The following AUTS2 variants were observed in gnomAD, a reference collection of about 807,000 sequenced individuals.
The protein encoded by AUTS2 is autism susceptibility gene 2 protein.
A neutral mutation model predicts 112.4 loss-of-function variants in AUTS2; 17 were observed. The observed-to-expected ratio is 0.15, with a 90% CI of 0.10 to 0.23. The LOEUF (loss-of-function observed/expected upper bound fraction) is 0.23. AUTS2 is among the 10% of genes least tolerant of loss of function. The pLI is 1.00. For missense variants in AUTS2, 1,510 were observed against 1,701.6 expected, an observed-to-expected ratio of 0.89 and a Z score of 1.98; for synonymous variants, 751 against 702.7, an observed-to-expected ratio of 1.07 and a Z score of -1.09.
chr7:69,614,904 G>A (rs907117519), intron 1 of AUTS2, among the ~76,000 whole-genome samples: 6 of 152,154 alleles, frequency 3.9e-5, no homozygotes, highest in Admixed American at 6.5e-5. Context: ...TGTATGTCCC[G>A]AATGGAAATA....
intron 1 of AUTS2, among the ~76,000 whole-genome samples, chr7:69,645,368 G>C (rs1273881397): frequency 2.0e-5 from 3 of 152,146 alleles, no homozygotes; most frequent in Non-Finnish European, 4.4e-5. Context: ...AGTAAGGGGA[G>C]GACTCAGAAG....
chr7:70,342,872 C>G (rs1254267664), intron 4 of AUTS2, among the ~76,000 whole-genome samples: 6 of 152,160 alleles, frequency 3.9e-5, no homozygotes, highest in Admixed American at 1.3e-4. Context: ...CTTGTGCTAT[C>G]TGTAGATCAT....
At chr7:70,732,417 A>G (rs910214722) in intron 6 of AUTS2, among the ~76,000 whole-genome samples, 3 of 152,158 alleles carry the variant, frequency 2.0e-5, no homozygotes, top group African/African-American at 7.2e-5. Context: ...CCTGTTGAGA[A>G]AGAGACAGAG....
intron 1 of AUTS2, among the ~76,000 whole-genome samples, chr7:69,736,195 C>T (rs1209932383): frequency 1.3e-5 from 2 of 152,140 alleles, no homozygotes; most frequent in African/African-American, 4.8e-5. Context: ...CAGTCTGTCT[C>T]GTGATCCATG....
chr7:69,775,274 G>C (rs1275149906), intron 1 of AUTS2, among the ~76,000 whole-genome samples: 1 of 152,170 alleles, frequency 6.6e-6, no homozygotes, highest in African/African-American at 2.4e-5. Flanking sequence ...GCTGTTGCCT[G>C]GGCAGTCATG....
chr7:70,622,389 T>C (rs1196319447), intron 5 of AUTS2, among the ~76,000 whole-genome samples: 1 of 152,148 alleles, frequency 6.6e-6, no homozygotes, highest in Non-Finnish European at 1.5e-5. Flanking sequence ...GGATGTTCTT[T>C]AAGCAGCACA....
At chr7:69,830,607 T>C (rs77190033) in intron 1 of AUTS2, among the ~76,000 whole-genome samples, 1,739 of 152,330 alleles carry the variant, frequency 0.011, 9 homozygotes, top group Non-Finnish European at 0.018. Context: ...CTCCTGGAAG[T>C]ACCTTGGATT....
At chr7:69,936,419 G>A (rs1485352787) in intron 2 of AUTS2, among the ~76,000 whole-genome samples, 2 of 151,886 alleles carry the variant, frequency 1.3e-5, no homozygotes, top group African/African-American at 2.4e-5. Flanking sequence ...GCGTGATCTC[G>A]GCTCATTGCA....
At chr7:70,531,811 G>A (rs1054437441) in intron 5 of AUTS2, among the ~76,000 whole-genome samples, 1 of 152,112 alleles carries the variant, frequency 6.6e-6, no homozygotes, top group Non-Finnish European at 1.5e-5. Context: ...AAAGGAGAGG[G>A]TGTCAGTTAG....
chr7:70,421,603 G>A (rs1585126023), intron 4 of AUTS2, among the ~76,000 whole-genome samples: 3 of 152,286 alleles, frequency 2.0e-5, no homozygotes, highest in Admixed American at 1.3e-4. Flanking sequence ...ACCCGCATTT[G>A]AATTTGTCTT....
intron 1 of AUTS2, among the ~76,000 whole-genome samples, chr7:69,771,186 A>G (rs1788648498): frequency 1.3e-5 from 2 of 152,184 alleles, no homozygotes; most frequent in Admixed American, 1.3e-4. Context: ...AAACCTACCA[A>G]AGCACCCAGC....
At chr7:69,912,118 A>G (rs542204206) in intron 2 of AUTS2, among the ~76,000 whole-genome samples, 5 of 152,304 alleles carry the variant, frequency 3.3e-5, no homozygotes, top group East Asian at 3.9e-4. Flanking sequence ...TGGCGTGTCA[A>G]TGCCACCCGA....
intron 5 of AUTS2, among the ~76,000 whole-genome samples, chr7:70,564,188 CA>C (rs998457477): frequency 6.6e-6 from 1 of 152,100 alleles, no homozygotes; most frequent in Non-Finnish European, 1.5e-5. Context: ...GTAATTCATT[CA>C]GTGCTGTGAT....
In AUTS2 at chr7:70,777,087, C is replaced by T; in HGVS notation, c.1933-16C>T. 6.2e-7 allele frequency: 1 copy of T among 1,613,556 alleles called. No homozygotes were observed. The highest frequency in any genetic ancestry group is 8.5e-7 in the Non-Finnish European group (1 of 1,179,496). ...AAATGTCTTCCTCCTAACCACGTTG[C>T]TCTTTCTTGTTCCAGAAACCAGGGA... is the stretch of plus-strand genomic sequence containing the variant. On this transcript the variant is annotated splice_polypyrimidine_tract_variant and intron_variant, in intron 13 of 18. Coordinates refer to ENST00000342771, the MANE Select transcript of AUTS2 (RefSeq NM_015570.4).
chr7:69,967,409 C>T (rs375035900), intron 2 of AUTS2, among the ~76,000 whole-genome samples: 7 of 151,972 alleles, frequency 4.6e-5, no homozygotes, highest in Non-Finnish European at 1.0e-4. Flanking sequence ...TCTTGTCAGC[C>T]GGCCAACACA....
chr7:70,268,364 AT>A (rs1787535399), intron 4 of AUTS2, among the ~76,000 whole-genome samples: 1 of 152,196 alleles, frequency 6.6e-6, no homozygotes, highest in Admixed American at 6.5e-5. Flanking sequence ...CTTTCTTGGA[AT>A]TTAACCCATG....
At chr7:70,222,268 G>T (rs1811526688) in intron 4 of AUTS2, among the ~76,000 whole-genome samples, 1 of 152,146 alleles carries the variant, frequency 6.6e-6, no homozygotes, top group Non-Finnish European at 1.5e-5. Flanking sequence ...TCTTACTGTT[G>T]CCACTTCAGT....
intron 2 of AUTS2, among the ~76,000 whole-genome samples, chr7:69,932,334 A>G (rs372595772): frequency 6.6e-6 from 1 of 152,154 alleles, no homozygotes; most frequent in South Asian, 2.1e-4. Context: ...TGGATTTCAG[A>G]TTTAGCAATG....
At chr7:69,621,822 G>A (rs1793677033) in intron 1 of AUTS2, among the ~76,000 whole-genome samples, 1 of 152,058 alleles carries the variant, frequency 6.6e-6, no homozygotes, top group Non-Finnish European at 1.5e-5. Flanking sequence ...TAAAAGTGAG[G>A]AGAAAGTATT....
Sources: allele counts gnomAD v4.1 joint callset (sites outside exome capture counted in the v4.1 genomes callset), GRCh38; gene constraint gnomAD v4.1.1; transcripts MANE v1.5; gene names NCBI Gene and HGNC (gene_info 2026-07-23, HGNC 2026-07-21).